Variants in RAB3GAP1 observed in about 807,000 individuals in gnomAD.
The protein encoded by RAB3GAP1 is rab3 GTPase-activating protein catalytic subunit.
In RAB3GAP1, 86 loss-of-function variants were observed where a neutral mutation model predicts 130.7. That is an observed-to-expected ratio of 0.66 (90% confidence interval 0.55 to 0.79). The LOEUF (loss-of-function observed/expected upper bound fraction) is 0.79, where lower values mean the gene tolerates loss of function less well. Ranked by LOEUF, RAB3GAP1 falls within the 30% of genes least tolerant of loss-of-function variation. RAB3GAP1 has a pLI of 0.00. For missense variants in RAB3GAP1, 1,029 were observed against 1,169.4 expected (o/e 0.88, Z 1.75); for synonymous variants, 367 against 401.7 (o/e 0.91, Z 1.03).
At chr2:135,151,858 C>T (rs1306314794) in intron 18 of RAB3GAP1, among the ~76,000 whole-genome samples, 28 of 152,338 alleles carry the variant, frequency 1.8e-4, no homozygotes, top group Non-Finnish European at 5.9e-5. Context: ...TTTGCAGAGG[C>T]ATGCACGGGA....
At chr2:135,078,674 C>G (rs1194059601) in intron 3 of RAB3GAP1, among the ~76,000 whole-genome samples, 1 of 58,694 alleles carries the variant, frequency 1.7e-5, no homozygotes. Flanking sequence ...CCTCCCCTCC[C>G]CTCCCCTCCC....
chr2:135,082,267 A>G (rs1237826491), intron 3 of RAB3GAP1, among the ~76,000 whole-genome samples: 2 of 152,176 alleles, frequency 1.3e-5, no homozygotes, highest in African/African-American at 2.4e-5. Context: ...AGAGTTGTCA[A>G]CCATTACCAT....
chr2:135,103,932 T>G (rs531570955), intron 5 of RAB3GAP1, among the ~76,000 whole-genome samples: 1 of 152,190 alleles, frequency 6.6e-6, no homozygotes, highest in Non-Finnish European at 1.5e-5. Context: ...CATCCGTAGA[T>G]GACAGGAAAA....
intron 3 of RAB3GAP1, among the ~76,000 whole-genome samples, chr2:135,087,263 C>CTGTT (rs1244308136): frequency 1.3e-5 from 2 of 152,180 alleles, no homozygotes; most frequent in African/African-American, 4.8e-5. Flanking sequence ...TTTCATTGAT[C>CTGTT]TGTTTGTCTG....
chr2:135,056,409 T>G (rs1042790355), intron 2 of RAB3GAP1, among the ~76,000 whole-genome samples: 1 of 151,978 alleles, frequency 6.6e-6, no homozygotes, highest in African/African-American at 2.4e-5. Context: ...TTTCACCATC[T>G]TGGACAAACT....
In RAB3GAP1 at chr2:135,162,522, G is replaced by A. The variant is rs61762983; in HGVS notation, c.2290-33G>A. The A allele has an allele frequency of 6.2e-4, 951 of 1,539,588 alleles. 13 individuals carry two copies. The South Asian group carries it at 0.01, about 16-fold the overall frequency. On this transcript the variant is annotated intron_variant, in intron 19 of 23. Coordinates refer to ENST00000264158, the MANE Select transcript of RAB3GAP1 (RefSeq NM_012233.3). The stretch of plus-strand genomic sequence containing the variant: ...GGCTGCTTCATCCTTTGACACCTGC[G>A]CTGATCATTTGTGTGCGCTGCACCT...
In RAB3GAP1 at chr2:135,052,542, G is replaced by GTTTCC. The variant is rs1314970679; in HGVS notation, c.74+57_74+58insTTTCC. The GTTTCC allele has an allele frequency of 1.3e-5, 21 of 1,595,888 alleles. No individual in the cohort carries two copies. In the Middle Eastern group the frequency reaches 6.6e-4, roughly 50 times the overall value. On this transcript the variant is annotated intron_variant, in intron 2 of 23. Coordinates refer to ENST00000264158, the MANE Select transcript of RAB3GAP1 (RefSeq NM_012233.3). ...CCATGGGCCCTGGCGTCCCCTAGCC[G>GTTTCC]CTTCCCTGACCCCAGACACACCACA... is the stretch of plus-strand genomic sequence containing the variant.
intron 3 of RAB3GAP1, among the ~76,000 whole-genome samples, chr2:135,090,526 T>C (rs748273421): frequency 2.0e-5 from 3 of 152,204 alleles, no homozygotes; most frequent in Non-Finnish European, 4.4e-5. Context: ...TTAATTAATA[T>C]ATGTTTTTCA....
chr2:135,064,433 T>G (rs1310288185), intron 3 of RAB3GAP1, among the ~76,000 whole-genome samples: 3 of 152,150 alleles, frequency 2.0e-5, no homozygotes, highest in Admixed American at 2.0e-4. Context: ...CGAGTTCATT[T>G]TTTCTTTCTT....
In RAB3GAP1 at chr2:135,133,875, G is replaced by T; in HGVS notation, c.1341G>T (p.Gln447His). The change falls in exon 15 of 24, where the codon CAG (glutamine) becomes CAT (histidine). Residue 447 changes from glutamine (Q) to histidine (H), a missense_variant. Physicochemically the swap from Gln to His is conservative, Grantham distance 24. Coordinates refer to ENST00000264158, the MANE Select transcript of RAB3GAP1 (RefSeq NM_012233.3). Reference protein sequence around the residue: ...SESEDYNLYNQFKSAPSDSLT... With the variant: ...SESEDYNLYNHFKSAPSDSLT... Reference sequence around the variant, plus strand: ...GTTAAATTTAGAATCTCTACAATCAGTTCAAGTCTGCACCATCTGACAGTT... The same window carrying T: ...GTTAAATTTAGAATCTCTACAATCATTTCAAGTCTGCACCATCTGACAGTT... The T allele has an allele frequency of 6.2e-7, 1 of 1,613,542 alleles. No homozygotes were observed. The highest frequency in any genetic ancestry group is 8.5e-7 in the Non-Finnish European group (1 of 1,179,560).
chr2:135,131,459 T>G (rs1189490157), intron 13 of RAB3GAP1, among the ~76,000 whole-genome samples: 1 of 152,140 alleles, frequency 6.6e-6, no homozygotes, highest in Non-Finnish European at 1.5e-5. Flanking sequence ...CTCGATCTCC[T>G]GACCTCGTAA....
At chr2:135,103,677 A>T (rs534086224) in intron 5 of RAB3GAP1, among the ~76,000 whole-genome samples, 2 of 152,270 alleles carry the variant, frequency 1.3e-5, no homozygotes, top group South Asian at 4.1e-4. Context: ...TAGGCTGGCC[A>T]TGAAAATACC....
downstream of RAB3GAP1, among the ~76,000 whole-genome samples, chr2:135,174,319 A>G (rs1038102230): frequency 6.6e-6 from 1 of 152,022 alleles, no homozygotes; most frequent in Admixed American, 6.5e-5. Context: ...CACAAGCCCC[A>G]TGACAGGAGC....
intron 5 of RAB3GAP1, among the ~76,000 whole-genome samples, chr2:135,102,309 T>G (rs1360494812): frequency 6.6e-6 from 1 of 152,196 alleles, no homozygotes; most frequent in Non-Finnish European, 1.5e-5. Flanking sequence ...GAAACTGGAA[T>G]GGGTTCTGCG....
At chr2:135,114,000 G>A (rs566506247) in intron 6 of RAB3GAP1, among the ~76,000 whole-genome samples, 26 of 152,226 alleles carry the variant, frequency 1.7e-4, no homozygotes, top group African/African-American at 5.5e-4. Context: ...TCCGCCCGCC[G>A]CGGCCTTCCA....
chr2:135,105,657 A>G (rs889863208), intron 5 of RAB3GAP1, among the ~76,000 whole-genome samples: 1 of 151,294 alleles, frequency 6.6e-6, no homozygotes, highest in Non-Finnish European at 1.5e-5. Flanking sequence ...CCGCCACCCC[A>G]TCTGGGAAGT....
chr2:135,099,761 C>T (rs1328580888), intron 5 of RAB3GAP1, among the ~76,000 whole-genome samples: 1 of 151,886 alleles, frequency 6.6e-6, no homozygotes, highest in Middle Eastern at 3.2e-3. Flanking sequence ...AGGATGTAAG[C>T]AGAAGTCTCA....
chr2:135,171,685 C>G (rs1487924044), downstream of RAB3GAP1, among the ~76,000 whole-genome samples: 1 of 152,210 alleles, frequency 6.6e-6, no homozygotes, highest in African/African-American at 2.4e-5. Context: ...GTGCCAGGTA[C>G]TGTTCTAGGC....
chr2:135,134,180 C>A, intron 15 of RAB3GAP1, 147 bp downstream of exon 15: 1 of 804,582 alleles, frequency 1.2e-6, no homozygotes, highest in Non-Finnish European at 1.9e-6. Flanking sequence ...GAGGTGTTCA[C>A]TGCAGCAAAT....
Sources: allele counts gnomAD v4.1 joint callset (sites outside exome capture counted in the v4.1 genomes callset), GRCh38; gene constraint gnomAD v4.1.1; transcripts MANE v1.5; gene names NCBI Gene and HGNC (gene_info 2026-07-23, HGNC 2026-07-21).